The following SLC27A4 variants were observed in gnomAD, a reference collection of about 807,000 sequenced individuals.
The protein encoded by SLC27A4 is solute carrier family 27 member 4, also known as long-chain fatty acid transport protein 4.
A neutral mutation model predicts 64.4 loss-of-function variants in SLC27A4; 33 were observed. The ratio of observed to expected loss-of-function variants is 0.51; its 90% confidence interval spans 0.39 to 0.68. SLC27A4 has a LOEUF of 0.68. Among genes scored for constraint, SLC27A4 ranks in the 30% least tolerant of loss-of-function variants. SLC27A4 has a pLI of 0.00. For synonymous variants in SLC27A4, 377 were observed against 370.0 expected, an observed-to-expected ratio of 1.02 and a Z score of -0.22; for missense variants, 824 against 883.5, an observed-to-expected ratio of 0.93 and a Z score of 0.85.
At chr9:128,343,437 AC>A in intron 2 of SLC27A4, 144 bp downstream of exon 2, 1 of 909,418 alleles carries the variant, frequency 1.1e-6, no homozygotes, top group Non-Finnish European at 1.7e-6. Context: ...TCTGCTCCAC[AC>A]CCGTACCCTG....
chr9:128,353,036 C>T lies in SLC27A4; in HGVS notation c.999C>T (p.Tyr333=), dbSNP rs775430036. The change falls in exon 8 of 13, where the codon TAC becomes TAT. Residue 333 remains tyrosine, a synonymous_variant. Transcript: ENST00000300456. The surrounding 1 kb of genome is among the most constrained non-coding windows in gnomAD (Gnocchi z 4.9). The stretch of plus-strand genomic sequence containing the variant: ...AAGTTCACCCCCAGATTGTGCAGTA[C>T]ATTGGTGAACTGTGCCGCTACCTCC... The part of the protein sequence containing the change: ...CIKYNCTIVQ[Y]IGELCRYLLN... 64 of 1,613,434 alleles carry T rather than the reference C, an allele frequency of 4.0e-5. No individual in the cohort carries two copies. The highest frequency in any genetic ancestry group is 2.3e-5 in the Non-Finnish European group (27 of 1,179,682).
At chr9:128,354,574 C>G (rs752311643) in intron 9 of SLC27A4, among the ~76,000 whole-genome samples, 3 of 151,982 alleles carry the variant, frequency 2.0e-5, no homozygotes, top group Non-Finnish European at 4.4e-5. Context: ...TCAGTGTGTC[C>G]GACCTGCCAA....
Position 128,360,758 on chromosome 9 carries a change from G to T in SLC27A4, c.*267G>T. 1 of 498,998 alleles carries T rather than the reference G, an allele frequency of 2.0e-6. No individual in the cohort carries two copies. The highest frequency in any genetic ancestry group is 3.7e-6 in the Non-Finnish European group (1 of 272,534). The allele number at this position is 498,998 out of a possible 1,614,324, so 30.9% of individuals were successfully genotyped here. ...GGCTGAGACTGACGGGTTTTCTCAG[G>T]ATGATGTCTTGGGTGAGGGTAGGGA... On this transcript the variant is annotated 3_prime_UTR_variant, in exon 13 of 13. Transcript: ENST00000300456.
At chr9:128,347,884 A>C (rs369051265) in intron 3 of SLC27A4, among the ~76,000 whole-genome samples, 1 of 151,660 alleles carries the variant, frequency 6.6e-6, no homozygotes, top group East Asian at 1.9e-4. Context: ...CAAAAGAAAA[A>C]AAAAAAAAAA....
At chr9:128,347,075 A>G (rs953342391) in intron 3 of SLC27A4, among the ~76,000 whole-genome samples, 1 of 152,144 alleles carries the variant, frequency 6.6e-6, no homozygotes, top group Non-Finnish European at 1.5e-5. Context: ...TACAATGGTA[A>G]TCATCCTTGT....
Position 128,353,405 on chromosome 9 carries a change from G to A in SLC27A4, c.1198-10G>A. The A allele has an allele frequency of 6.2e-7, 1 of 1,614,200 alleles. No homozygotes were observed. The highest frequency in any genetic ancestry group is 2.2e-5 in the East Asian group (1 of 44,882). Reference sequence around the variant, plus strand: ...TGAGAGAGCCCAGGCCCAAGTCTTGGCCTTCGCAGGTGGGGGCCTGTGGTT... The same window carrying A: ...TGAGAGAGCCCAGGCCCAAGTCTTGACCTTCGCAGGTGGGGGCCTGTGGTT... On this transcript the variant is annotated splice_polypyrimidine_tract_variant and intron_variant, in intron 8 of 12. Transcript: ENST00000300456. The surrounding 1 kb of genome is among the most constrained non-coding windows in gnomAD (Gnocchi z 4.9).
At chr9:128,359,928 G>A (rs1207621263) in intron 12 of SLC27A4, among the ~76,000 whole-genome samples, 4 of 152,152 alleles carry the variant, frequency 2.6e-5, no homozygotes, top group South Asian at 4.1e-4. Context: ...CAGAGAATAC[G>A]GTTGAGCACC....
chr9:128,347,000 G>A (rs1427353955), intron 3 of SLC27A4, among the ~76,000 whole-genome samples: 3 of 151,994 alleles, frequency 2.0e-5, no homozygotes, highest in Non-Finnish European at 2.9e-5. Context: ...GAGAGGTTAC[G>A]TGTCAAAAAA....
At chr9:128,351,132 C>T (rs866544217) in intron 6 of SLC27A4, among the ~76,000 whole-genome samples, 16 of 151,674 alleles carry the variant, frequency 1.1e-4, no homozygotes, top group African/African-American at 3.9e-4. Flanking sequence ...GGTGTGGTGG[C>T]GTGTGCCTGT....
intron 3 of SLC27A4, 143 bp from the exon 4 acceptor site, chr9:128,348,401 CA>C (rs1278765180): frequency 7.2e-6 from 7 of 969,362 alleles, no homozygotes; most frequent in Non-Finnish European, 1.1e-5. Context: ...GTGCCCCTGT[CA>C]ACACTGAAGG....
chr9:128,358,387 C>T (rs1357702232), intron 12 of SLC27A4, among the ~76,000 whole-genome samples: 1 of 152,172 alleles, frequency 6.6e-6, no homozygotes, highest in African/African-American at 2.4e-5. Context: ...TGGCTGGACG[C>T]CGTGGCTCAC....
intron 12 of SLC27A4, among the ~76,000 whole-genome samples, chr9:128,358,667 G>A (rs532305190): frequency 5.9e-5 from 9 of 152,124 alleles, no homozygotes; most frequent in South Asian, 2.1e-4. Flanking sequence ...GGCTGGTCTC[G>A]AACTCCTGAC....
intron 12 of SLC27A4, among the ~76,000 whole-genome samples, chr9:128,358,578 G>C (rs1832853988): frequency 6.6e-6 from 1 of 152,140 alleles, no homozygotes; most frequent in African/African-American, 2.4e-5. Flanking sequence ...CCAGTAGCTG[G>C]GATTACAGGC....
rs150944027 is a variant in SLC27A4, at chr9:128,355,689, C to T, written c.1667C>T (p.Pro556Leu). ...GCCGGAATGGCTGCTGTGGCCAGCC[C>T]CACTGGCAACTGTGACCTGGAGCGC... The part of the protein sequence containing the change: ...GRAGMAAVAS[P>L]TGNCDLERFA... Residue 556 changes from proline to leucine, a missense_variant, in exon 12 of 13, where the codon CCC becomes CTC. Transcript: ENST00000300456. 6.2e-6 allele frequency: 10 copies of T among 1,612,704 alleles called. No individual in the cohort carries two copies. The highest frequency in any genetic ancestry group is 4.0e-5 in the African/African-American group (3 of 74,938).
rs1173622438 is a variant in SLC27A4, at chr9:128,350,486, A to G, written c.788A>G (p.Tyr263Cys). ...PKAAIVVHSR[Y>C]YRMAALVYYG... The stretch of plus-strand genomic sequence containing the variant: ...CCCTTGGCCCTGTGCCTTCCCAGGT[A>G]TTACCGCATGGCTGCCCTGGTGTAC... Residue 263 changes from tyrosine (Y) to cysteine (C), a missense_variant and splice_region_variant, in exon 6 of 13, where the codon TAT becomes TGT. Physicochemically the swap from Tyr to Cys is radical, Grantham distance 194 (BLOSUM62 -2). Coordinates refer to ENST00000300456, the MANE Select transcript of SLC27A4 (RefSeq NM_005094.4). The G allele has an allele frequency of 6.2e-7, 1 of 1,614,018 alleles. No individual in the cohort carries two copies. Among genetic ancestry groups the G allele is most frequent in the Non-Finnish European group, 8.5e-7 (1 of 1,179,926 alleles).
rs1024031595 is a variant in SLC27A4, at chr9:128,353,321, G to A, written c.1197+87G>A. On this transcript the variant is annotated intron_variant, in intron 8 of 12. Coordinates refer to ENST00000300456, the MANE Select transcript of SLC27A4 (RefSeq NM_005094.4). The surrounding 1 kb of genome is among the most constrained non-coding windows in gnomAD (Gnocchi z 4.9). ...GCAGAGGGGAGGGCAGAGTTCGAGC[G>A]TGAGAGTGTGGGTGCTGGAGTCCCA... 7.2e-5 allele frequency: 116 copies of A among 1,610,280 alleles called. No individual in the cohort carries two copies. The highest frequency in any genetic ancestry group is 1.5e-4 in the African/African-American group (11 of 74,820).
intron 7 of SLC27A4, 77 bp downstream of exon 7, chr9:128,352,824 C>T (rs1326315213): frequency 5.7e-6 from 7 of 1,232,942 alleles, no homozygotes; most frequent in Non-Finnish European, 8.3e-6. Context: ...GGGCATCTGT[C>T]TTATAGCTGA....
chr9:128,348,778 G>A (rs1299177428), intron 4 of SLC27A4, 75 bp downstream of exon 4: 5 of 1,501,354 alleles, frequency 3.3e-6, no homozygotes, highest in Non-Finnish European at 4.6e-6. Flanking sequence ...GTGCCAGAAG[G>A]AGGCTTTTCT....
At chr9:128,341,128 G>A (rs1298885865) in intron 1 of SLC27A4, among the ~76,000 whole-genome samples, 3 of 152,180 alleles carry the variant, frequency 2.0e-5, no homozygotes, top group African/African-American at 4.8e-5. Flanking sequence ...GAGGACCCTG[G>A]ACCCTGGCGT....
Sources: allele counts gnomAD v4.1 joint callset (sites outside exome capture counted in the v4.1 genomes callset), GRCh38; gene constraint gnomAD v4.1.1; non-coding constraint Gnocchi (gnomAD v3.1); transcripts MANE v1.5; gene names NCBI Gene and HGNC (gene_info 2026-07-23, HGNC 2026-07-21).